The following RBFOX1 variants were observed in gnomAD, a reference collection of about 807,000 sequenced individuals.
RBFOX1 encodes the protein RNA binding fox-1 homolog 1.
RBFOX1 carries 8 observed loss-of-function variants against 57.7 expected under a neutral mutation model. The ratio of observed to expected loss-of-function variants is 0.14; its 90% CI spans 0.08 to 0.25. The LOEUF (loss-of-function observed/expected upper bound fraction) is 0.25, where lower values mean the gene tolerates loss of function less well. RBFOX1 is among the 10% of genes least tolerant of loss of function. RBFOX1 has a pLI of 1.00. For missense variants in RBFOX1, 611 were observed against 548.5 expected, an observed-to-expected ratio of 1.11 and a Z score of -1.14; for synonymous variants, 326 against 222.4, an observed-to-expected ratio of 1.47 and a Z score of -4.15.
At chr16:5,417,014 A>G (rs916619196) in intron 1 of RBFOX1, among the ~76,000 whole-genome samples, 4 of 152,294 alleles carry the variant, frequency 2.6e-5, no homozygotes, top group Non-Finnish European at 4.4e-5. Flanking sequence ...AAGTGTAGAG[A>G]GAGCAAGGAA....
chr16:7,218,866 C>T (rs779615699), intron 4 of RBFOX1, among the ~76,000 whole-genome samples: 2 of 152,046 alleles, frequency 1.3e-5, no homozygotes, highest in African/African-American at 4.8e-5. Context: ...CTGACTCACC[C>T]CTCCAGCCTC....
At chr16:6,467,524 C>A (rs1310475583) in intron 2 of RBFOX1, among the ~76,000 whole-genome samples, 1 of 152,060 alleles carries the variant, frequency 6.6e-6, no homozygotes, top group Admixed American at 6.6e-5. Context: ...TATGCTGAGA[C>A]AGGAGTTCTT....
intron 3 of RBFOX1, among the ~76,000 whole-genome samples, chr16:6,893,439 ATCTT>A (rs1253778116): frequency 6.6e-5 from 10 of 152,184 alleles, no homozygotes; most frequent in African/African-American, 2.4e-4. Context: ...TCATCAAAAG[ATCTT>A]TCTTTTAAAC....
intron 4 of RBFOX1, among the ~76,000 whole-genome samples, chr16:7,318,349 T>C (rs1386852487): frequency 6.6e-6 from 1 of 151,586 alleles, no homozygotes; most frequent in African/African-American, 2.4e-5. Flanking sequence ...CTGATGGTGG[T>C]AGTTGCAGTG....
At chr16:6,556,043 A>G (rs891780265) in intron 2 of RBFOX1, among the ~76,000 whole-genome samples, 2 of 152,154 alleles carry the variant, frequency 1.3e-5, no homozygotes. Context: ...GCACTAGGGC[A>G]TTTTGAGACT....
At chr16:5,934,084 C>G (rs1033906636) in intron 4 of RBFOX1, among the ~76,000 whole-genome samples, 2 of 152,168 alleles carry the variant, frequency 1.3e-5, no homozygotes, top group African/African-American at 4.8e-5. Flanking sequence ...GGATAATGGC[C>G]TCCAGCCCCA....
chr16:5,962,624 A>C (rs1190621407), intron 4 of RBFOX1, among the ~76,000 whole-genome samples: 1 of 152,120 alleles, frequency 6.6e-6, no homozygotes, highest in Non-Finnish European at 1.5e-5. Flanking sequence ...CACTGAGCAA[A>C]TGTTGTTTAT....
chr16:5,239,783 C>G (rs957399028), upstream of RBFOX1: 5 of 625,344 alleles, frequency 8.0e-6, no homozygotes, highest in South Asian at 1.9e-5. Context: ...AGCTCCGCGC[C>G]GCGCGGACCC....
At chr16:6,328,284 G>T (rs998651790) in intron 2 of RBFOX1, among the ~76,000 whole-genome samples, 1 of 152,220 alleles carries the variant, frequency 6.6e-6, no homozygotes, top group African/African-American at 2.4e-5. Context: ...GAGGGGAAAG[G>T]GTGGGAGGGG....
At chr16:6,632,284 C>G (rs2098394406) in intron 2 of RBFOX1, among the ~76,000 whole-genome samples, 1 of 149,912 alleles carries the variant, frequency 6.7e-6, no homozygotes, top group South Asian at 2.1e-4. Context: ...ACAACAAGGT[C>G]AAAACATCTG....
intron 4 of RBFOX1, among the ~76,000 whole-genome samples, chr16:5,887,953 A>C (rs1227958231): frequency 2.0e-5 from 3 of 152,178 alleles, no homozygotes; most frequent in Admixed American, 6.5e-5. Context: ...CCACACACAC[A>C]CATCAAAACT....
At chr16:5,827,394 C>T (rs2056099397) in intron 3 of RBFOX1, among the ~76,000 whole-genome samples, 1 of 127,416 alleles carries the variant, frequency 7.8e-6, no homozygotes, top group Admixed American at 7.8e-5. Context: ...AGCAAGACTC[C>T]ATCTCAGGGA....
intron 1 of RBFOX1, among the ~76,000 whole-genome samples, chr16:6,040,789 T>G (rs2095428472): frequency 6.6e-6 from 1 of 152,024 alleles, no homozygotes; most frequent in South Asian, 2.1e-4. Flanking sequence ...AGAGACTGGG[T>G]TTCCTTATGT....
intron 1 of RBFOX1, among the ~76,000 whole-genome samples, chr16:6,181,853 G>C (rs1170859463): frequency 1.3e-5 from 2 of 152,050 alleles, no homozygotes; most frequent in Non-Finnish European, 2.9e-5. Context: ...ATGTGAATTG[G>C]GTCTCTCTCT....
chr16:7,630,912 G>GC (rs1192343049), intron 11 of RBFOX1, among the ~76,000 whole-genome samples: 1 of 152,206 alleles, frequency 6.6e-6, no homozygotes, highest in African/African-American at 2.4e-5. Flanking sequence ...GGGAATGTGG[G>GC]CATGGGGTTG....
intron 3 of RBFOX1, among the ~76,000 whole-genome samples, chr16:7,043,623 G>T (rs368135894): frequency 6.6e-6 from 1 of 152,188 alleles, no homozygotes; most frequent in South Asian, 2.1e-4. Context: ...AACTTGTCCA[G>T]TGTTTTCCTT....
At chr16:5,346,676 G>C (rs1019856252) in intron 1 of RBFOX1, among the ~76,000 whole-genome samples, 10 of 152,192 alleles carry the variant, frequency 6.6e-5, no homozygotes, top group African/African-American at 2.4e-4. Flanking sequence ...TGTGGGAGTG[G>C]AGTGAGATGA....
intron 2 of RBFOX1, among the ~76,000 whole-genome samples, chr16:6,357,605 C>CG (rs2087601740): frequency 6.6e-6 from 1 of 151,424 alleles, no homozygotes; most frequent in Non-Finnish European, 1.5e-5. Context: ...CTCTTGCTCC[C>CG]GCTTGTGCTC....
At chr16:6,995,862 A>G (rs1267338672) in intron 3 of RBFOX1, among the ~76,000 whole-genome samples, 2 of 152,236 alleles carry the variant, frequency 1.3e-5, no homozygotes, top group African/African-American at 4.8e-5. Context: ...TCAACAGACA[A>G]GTATCTGATT....
Sources: gnomAD v4.1 joint callset for allele counts (sites outside exome capture counted in the v4.1 genomes callset) on GRCh38, gnomAD v4.1.1 for gene constraint, MANE v1.5 for transcripts, NCBI Gene and HGNC (gene_info 2026-07-23, HGNC 2026-07-21) for gene names.